Variants in CNTN3 observed in about 807,000 individuals in gnomAD.
The protein encoded by CNTN3 is contactin 3.
CNTN3 carries 60 observed loss-of-function variants against 119.1 expected under a neutral mutation model. The observed-to-expected ratio is 0.50, with a 90% confidence interval of 0.41 to 0.62. The LOEUF is 0.62. Among genes scored for constraint, CNTN3 ranks in the 20% least tolerant of loss-of-function variants. CNTN3 has a pLI of 0.00. For synonymous variants in CNTN3, 450 were observed against 438.7 expected (o/e 1.03, Z -0.32); for missense variants, 1,101 against 1,242.4 (o/e 0.89, Z 1.71).
At chr3:74,357,070 C>T (rs1426820256) in intron 11 of CNTN3, among the ~76,000 whole-genome samples, 1 of 151,478 alleles carries the variant, frequency 6.6e-6, no homozygotes, top group South Asian at 2.1e-4. Context: ...ACTACAGGCA[C>T]ATGCCACCAT....
chr3:74,459,281 A>T (rs1457784697), intron 4 of CNTN3, among the ~76,000 whole-genome samples: 2 of 151,982 alleles, frequency 1.3e-5, no homozygotes, highest in Admixed American at 1.3e-4. Flanking sequence ...TGCCGAATCA[A>T]TCTATCGCCA....
intron 1 of CNTN3, among the ~76,000 whole-genome samples, chr3:74,535,606 A>T (rs747423471): frequency 6.6e-6 from 1 of 151,980 alleles, no homozygotes; most frequent in Non-Finnish European, 1.5e-5. Flanking sequence ...AGCACATCCA[A>T]CTCAGCCTTG....
intron 2 of CNTN3, among the ~76,000 whole-genome samples, chr3:74,520,799 C>T (rs1347142830): frequency 1.3e-5 from 2 of 151,096 alleles, no homozygotes; most frequent in Non-Finnish European, 3.0e-5. Flanking sequence ...TTCATAATAC[C>T]AAAGCATAAT....
intron 13 of CNTN3, among the ~76,000 whole-genome samples, chr3:74,310,214 AC>A (rs1226051803): frequency 5.9e-5 from 9 of 152,210 alleles, no homozygotes; most frequent in African/African-American, 1.7e-4. Context: ...GAGAAAAAAA[AC>A]ATACTGATAT....
intron 5 of CNTN3, among the ~76,000 whole-genome samples, chr3:74,389,145 A>G (rs752279268): frequency 2.1e-4 from 32 of 152,206 alleles, no homozygotes; most frequent in Non-Finnish European, 3.7e-4. Context: ...ATATGAGTAG[A>G]TATTTATAGG....
intron 5 of CNTN3, among the ~76,000 whole-genome samples, chr3:74,385,161 T>G (rs1704716062): frequency 6.6e-6 from 1 of 152,204 alleles, no homozygotes; most frequent in Non-Finnish European, 1.5e-5. Context: ...CAAATTCAAA[T>G]TAGCGAATTT....
chr3:74,505,638 C>T (rs1703245075), intron 2 of CNTN3, among the ~76,000 whole-genome samples: 1 of 151,882 alleles, frequency 6.6e-6, no homozygotes, highest in African/African-American at 2.4e-5. Flanking sequence ...AAAAATAAAC[C>T]TCTAATGCAT....
chr3:74,329,299 G>C (rs1470529668), intron 13 of CNTN3, among the ~76,000 whole-genome samples: 1 of 152,060 alleles, frequency 6.6e-6, no homozygotes, highest in African/African-American at 2.4e-5. Flanking sequence ...ATGGCAGATT[G>C]GTTGTCACTG....
intron 4 of CNTN3, among the ~76,000 whole-genome samples, chr3:74,483,498 A>C (rs75899325): frequency 6.6e-6 from 1 of 152,016 alleles, no homozygotes; most frequent in Non-Finnish European, 1.5e-5. Context: ...CTCTCATCTC[A>C]GGGATGTGTT....
chr3:74,352,509 C>T (rs185721754), intron 11 of CNTN3, among the ~76,000 whole-genome samples: 177 of 152,310 alleles, frequency 1.2e-3, no homozygotes, highest in South Asian at 1.7e-3. Context: ...TGAATAACTT[C>T]CATGGTCACC....
At chr3:74,481,568 G>A (rs1227903812) in intron 4 of CNTN3, among the ~76,000 whole-genome samples, 1 of 151,834 alleles carries the variant, frequency 6.6e-6, no homozygotes, top group Non-Finnish European at 1.5e-5. Context: ...GAACAAATTT[G>A]CTATATGTCT....
intron 4 of CNTN3, among the ~76,000 whole-genome samples, chr3:74,482,749 A>C (rs1454526172): frequency 6.6e-6 from 1 of 152,146 alleles, no homozygotes; most frequent in Non-Finnish European, 1.5e-5. Context: ...CAATGACAGC[A>C]CTTGAACATC....
chr3:74,548,174 T>A (rs546574951), intron 1 of CNTN3, among the ~76,000 whole-genome samples: 34 of 152,338 alleles, frequency 2.2e-4, no homozygotes, highest in African/African-American at 8.2e-4. Context: ...CAGATGGATT[T>A]GGTTACACCA....
intron 1 of CNTN3, among the ~76,000 whole-genome samples, chr3:74,537,230 A>G (rs149938491): frequency 5.3e-5 from 8 of 152,236 alleles, no homozygotes; most frequent in Admixed American, 2.0e-4. Flanking sequence ...ACAAGTACCC[A>G]AAAGCCAAAA....
chr3:74,362,594 A>C, intron 10 of CNTN3, among the ~76,000 whole-genome samples: 1 of 152,338 alleles, frequency 6.6e-6, no homozygotes, highest in South Asian at 2.1e-4. Flanking sequence ...TATTGCATGA[A>C]GTATAATAAT....
chr3:74,266,435 G>A lies in CNTN3; in HGVS notation c.2986+46C>T, dbSNP rs201367510. On this transcript the variant is annotated intron_variant, in intron 22 of 22. Coordinates refer to ENST00000263665, the MANE Select transcript of CNTN3 (RefSeq NM_020872.3). ...ACTGATTGACTCACTATGGCGGATAGTAACACTGATGTCAATAAAGTAAAT... is the reference window on the plus strand; with the variant it reads ...ACTGATTGACTCACTATGGCGGATAATAACACTGATGTCAATAAAGTAAAT... The A allele has an allele frequency of 3.0e-5, 47 of 1,561,144 alleles. No individual in the cohort carries two copies. In the African/African-American group the frequency reaches 6.0e-4, roughly 20 times the overall value.
chr3:74,272,692 T>G (rs1322322701), intron 20 of CNTN3, among the ~76,000 whole-genome samples: 1 of 152,148 alleles, frequency 6.6e-6, no homozygotes, highest in Non-Finnish European at 1.5e-5. Context: ...AAAAATTCCC[T>G]TGTAATCTTC....
intron 5 of CNTN3, among the ~76,000 whole-genome samples, chr3:74,373,138 CG>C (rs2106795134): frequency 6.6e-6 from 1 of 152,274 alleles, no homozygotes; most frequent in South Asian, 2.1e-4. Flanking sequence ...AGTCACTTAT[CG>C]GGTTGTATGA....
intron 4 of CNTN3, among the ~76,000 whole-genome samples, chr3:74,484,900 T>C (rs753879809): frequency 6.6e-6 from 1 of 152,020 alleles, no homozygotes; most frequent in African/African-American, 2.4e-5. Context: ...TGAAAAAGCA[T>C]GAAACATACT....
Sources: gnomAD v4.1 joint callset for allele counts (sites outside exome capture counted in the v4.1 genomes callset) on GRCh38, gnomAD v4.1.1 for gene constraint, MANE v1.5 for transcripts, NCBI Gene and HGNC (gene_info 2026-07-23, HGNC 2026-07-21) for gene names.